CSMD1: variants seen among roughly 807,000 people sequenced by gnomAD.
CSMD1 encodes CUB and sushi domain-containing protein 1.
A neutral mutation model predicts 417.5 loss-of-function variants in CSMD1; 213 were observed. The ratio of observed to expected loss-of-function variants is 0.51; its 90% confidence interval spans 0.46 to 0.57. CSMD1 has a LOEUF of 0.57. Among genes scored for constraint, CSMD1 ranks in the 20% least tolerant of loss-of-function variants. The pLI is 0.00. For missense variants in CSMD1, 6,923 were observed against 4,529.7 expected (o/e 1.53, Z -15.17); for synonymous variants, 2,862 against 1,736.8 (o/e 1.65, Z -16.11).
chr8:4,140,360 T>A (rs1375687339), intron 3 of CSMD1, among the ~76,000 whole-genome samples: 2 of 150,910 alleles, frequency 1.3e-5, no homozygotes, highest in African/African-American at 5.0e-5. Context: ...TAGCTGGGAA[T>A]GGTGGCACAT....
chr8:4,584,059 C>T (rs1799578968), intron 2 of CSMD1, among the ~76,000 whole-genome samples: 2 of 151,896 alleles, frequency 1.3e-5, no homozygotes, highest in Admixed American at 6.6e-5. Context: ...CGAAGGTCTG[C>T]AGTTTCACTC....
chr8:4,325,346 G>T (rs1563056960), intron 3 of CSMD1, among the ~76,000 whole-genome samples: 1 of 152,088 alleles, frequency 6.6e-6, no homozygotes. Flanking sequence ...GGGTTCTCTT[G>T]TCTAGGAAGT....
chr8:4,582,795 G>C (rs986746260), intron 2 of CSMD1, among the ~76,000 whole-genome samples: 1 of 152,208 alleles, frequency 6.6e-6, no homozygotes, highest in Non-Finnish European at 1.5e-5. Flanking sequence ...CAAGGCCGGA[G>C]CCCACTCCCT....
intron 54 of CSMD1, among the ~76,000 whole-genome samples, chr8:2,979,246 G>C (rs962869824): frequency 6.6e-6 from 1 of 152,196 alleles, no homozygotes; most frequent in Non-Finnish European, 1.5e-5. Flanking sequence ...TTTAATATGT[G>C]TGCCTAAAAT....
chr8:4,352,510 C>T (rs2128902056), intron 3 of CSMD1, among the ~76,000 whole-genome samples: 1 of 152,210 alleles, frequency 6.6e-6, no homozygotes, highest in East Asian at 1.9e-4. Context: ...TTTGAAGAAA[C>T]ATGAAATTTT....
chr8:3,097,162 A>G, intron 46 of CSMD1, 125 bp from the exon 47 acceptor site: 1 of 650,448 alleles, frequency 1.5e-6, no homozygotes, highest in Non-Finnish European at 2.5e-6. Flanking sequence ...GCTCTGGCCA[A>G]ATTTAATACC....
chr8:3,556,415 T>TATATATATATATATATACATACATACA (rs1799148435), intron 10 of CSMD1, among the ~76,000 whole-genome samples: 4 of 57,124 alleles, frequency 7.0e-5, no homozygotes, highest in African/African-American at 2.5e-4. Context: ...ATATATATAT[T>TATATATATATATATATACATACATACA]CACACACACA....
At chr8:3,021,935 CG>C (rs1259629045) in intron 51 of CSMD1, among the ~76,000 whole-genome samples, 1 of 147,350 alleles carries the variant, frequency 6.8e-6, no homozygotes, top group Non-Finnish European at 1.5e-5. Context: ...CCACAGCATC[CG>C]GAAAGCACCT....
chr8:3,896,379 G>C (rs1248097858), intron 5 of CSMD1, among the ~76,000 whole-genome samples: 1 of 152,118 alleles, frequency 6.6e-6, no homozygotes, highest in Non-Finnish European at 1.5e-5. Context: ...AGTCCAAACA[G>C]ATGTTAACAA....
At position 4,484,980 on chromosome 8, in the gene CSMD1, C is replaced by CAAAAAAAAAAAAAAAAAAA. The variant is rs57398278; in HGVS notation, c.303-64934_303-64916dup. ...TGGTTGACAGAGTGAGACTCTGCCT[C>CAAAAAAAAAAAAAAAAAAA]AAAAAAAAAAAAAAAAAAAAAAAAA... On this transcript the variant is annotated intron_variant, in intron 2 of 69. Transcript: ENST00000635120. 1.5e-4 allele frequency among the ~76,000 whole-genome samples: 8 copies of CAAAAAAAAAAAAAAAAAAA among 53,940 alleles called. 1 individual carries two copies. Among genetic ancestry groups the CAAAAAAAAAAAAAAAAAAA allele is most frequent in the Non-Finnish European group, 2.5e-4 (8 of 32,008 alleles). 35.4% of individuals were successfully genotyped at this position (53,940 alleles called of 152,430 possible). A position where few individuals can be genotyped will look rare whatever the true frequency, so the allele number is the denominator to read the frequency against.
intron 17 of CSMD1, among the ~76,000 whole-genome samples, chr8:3,392,805 C>T (rs533961616): frequency 5.3e-5 from 8 of 152,134 alleles, no homozygotes; most frequent in Non-Finnish European, 8.8e-5. Flanking sequence ...TAAACGGGGA[C>T]ACCCTCTGAG....
At position 4,068,360 on chromosome 8, in the gene CSMD1, T is replaced by A. The variant is rs115853635; in HGVS notation, c.416-36261A>T. Among the ~76,000 whole-genome samples the A allele has an allele frequency of 9.0e-4, 137 of 152,214 alleles. 2 individuals carry two copies. Among genetic ancestry groups the A allele is most frequent in the African/African-American group, 3.2e-3 (132 of 41,542 alleles). ...AGTGGGGCTCAAAGCAGAGAGGGGATCTTATTTGTCAGCCATGGGAGTGTG... is the reference window on the plus strand; with the variant it reads ...AGTGGGGCTCAAAGCAGAGAGGGGAACTTATTTGTCAGCCATGGGAGTGTG... On this transcript the variant is annotated intron_variant, in intron 3 of 69. Transcript: ENST00000635120.
intron 6 of CSMD1, 60 bp from the exon 7 acceptor site, chr8:3,708,551 G>A: frequency 2.8e-6 from 4 of 1,411,132 alleles, no homozygotes; most frequent in Non-Finnish European, 1.0e-6. Flanking sequence ...AAACCATGTT[G>A]TATCCACACA....
chr8:3,457,211 A>C (rs913746031), intron 12 of CSMD1, among the ~76,000 whole-genome samples: 1 of 150,426 alleles, frequency 6.6e-6, no homozygotes, highest in African/African-American at 2.5e-5. Context: ...GGACCCCCTC[A>C]TCCTGCCCTC....
intron 3 of CSMD1, among the ~76,000 whole-genome samples, chr8:4,038,976 C>T (rs773283944): frequency 3.9e-5 from 6 of 152,188 alleles, no homozygotes; most frequent in Non-Finnish European, 7.3e-5. Flanking sequence ...TCACATCAAA[C>T]CTTTAACCCA....
At chr8:3,466,343 A>G (rs1816789518) in intron 12 of CSMD1, among the ~76,000 whole-genome samples, 1 of 152,154 alleles carries the variant, frequency 6.6e-6, no homozygotes, top group Admixed American at 6.6e-5. Context: ...GTTAGTGAAA[A>G]TCAGGCAACA....
At chr8:3,265,209 G>T (rs994334765) in intron 26 of CSMD1, among the ~76,000 whole-genome samples, 8 of 152,214 alleles carry the variant, frequency 5.3e-5, no homozygotes, top group Admixed American at 4.6e-4. Context: ...CAGAAAATAA[G>T]CACAGACACA....
chr8:4,650,808 C>T (rs1563068319), intron 1 of CSMD1, among the ~76,000 whole-genome samples: 1 of 151,930 alleles, frequency 6.6e-6, no homozygotes, highest in Non-Finnish European at 1.5e-5. Context: ...TTTATTTTAC[C>T]CAAGTTTTGC....
chr8:3,204,472 G>C (rs1797142886), intron 31 of CSMD1, among the ~76,000 whole-genome samples: 1 of 151,962 alleles, frequency 6.6e-6, no homozygotes, highest in Non-Finnish European at 1.5e-5. Context: ...AAAGAATTTG[G>C]TCCAACTTAA....
Sources: gnomAD v4.1 joint callset for allele counts (sites outside exome capture counted in the v4.1 genomes callset) on GRCh38, gnomAD v4.1.1 for gene constraint, MANE v1.5 for transcripts, NCBI Gene and HGNC (gene_info 2026-07-23, HGNC 2026-07-21) for gene names.